Variants in CNTN4 observed in about 807,000 individuals in gnomAD.
CNTN4 encodes the protein contactin-4.
In CNTN4, 77 loss-of-function variants were observed where a neutral mutation model predicts 122.5. That is an observed-to-expected ratio of 0.63 (90% CI 0.52 to 0.76). CNTN4 has a LOEUF of 0.76. Ranked by LOEUF, CNTN4 falls within the 30% of genes least tolerant of loss-of-function variation. The pLI is 0.00. For missense variants in CNTN4, 1,256 were observed against 1,259.1 expected (o/e 1.00, Z 0.04); for synonymous variants, 512 against 447.0 (o/e 1.15, Z -1.83).
intron 2 of CNTN4, among the ~76,000 whole-genome samples, chr3:2,143,147 A>G (rs552739422): frequency 6.6e-6 from 1 of 152,130 alleles, no homozygotes; most frequent in Non-Finnish European, 1.5e-5. Flanking sequence ...TTTGGGGTTC[A>G]TGTTCATTTT....
intron 23 of CNTN4, 31 bp from the exon 24 acceptor site, chr3:3,053,776 C>T (rs367978650): frequency 6.2e-7 from 1 of 1,610,832 alleles, no homozygotes. Flanking sequence ...GTGAAGACGG[C>T]AGGTGACACC....
chr3:3,022,771 T>C (rs1698410786), intron 14 of CNTN4, among the ~76,000 whole-genome samples: 1 of 152,142 alleles, frequency 6.6e-6, no homozygotes, highest in Non-Finnish European at 1.5e-5. Context: ...GGTAAATATA[T>C]AGATTTTTAA....
At chr3:2,899,306 T>C (rs1217496941) in intron 10 of CNTN4, among the ~76,000 whole-genome samples, 3 of 152,216 alleles carry the variant, frequency 2.0e-5, no homozygotes, top group African/African-American at 7.2e-5. Context: ...TGAAACATTG[T>C]TGAGTGAAGA....
At chr3:2,186,631 T>C (rs560797901) in intron 2 of CNTN4, among the ~76,000 whole-genome samples, 159 of 152,312 alleles carry the variant, frequency 1.0e-3, no homozygotes, top group African/African-American at 3.5e-3. Context: ...TTCTAACTGG[T>C]GTGAGATGGT....
chr3:2,287,622 GAA>G (rs1559415039), intron 2 of CNTN4, among the ~76,000 whole-genome samples: 8 of 35,302 alleles, frequency 2.3e-4, no homozygotes, highest in African/African-American at 4.5e-4. Flanking sequence ...AGGAGAAGGA[GAA>G]GGAGAAGGAG....
intron 2 of CNTN4, among the ~76,000 whole-genome samples, chr3:2,155,213 A>C (rs978772467): frequency 1.3e-5 from 2 of 152,178 alleles, no homozygotes; most frequent in African/African-American, 2.4e-5. Flanking sequence ...GTCTCTCTCT[A>C]TTCCAGTGCT....
intron 3 of CNTN4, among the ~76,000 whole-genome samples, chr3:2,519,151 A>C (rs1302764513): frequency 1.3e-5 from 2 of 152,302 alleles, no homozygotes; most frequent in South Asian, 4.1e-4. Flanking sequence ...GACAATGAAA[A>C]GGGAAGATCG....
At chr3:2,370,622 A>C (rs1314608568) in intron 3 of CNTN4, among the ~76,000 whole-genome samples, 1 of 152,196 alleles carries the variant, frequency 6.6e-6, no homozygotes. Flanking sequence ...AGTGGTTTGT[A>C]GTTTATGGAA....
intron 3 of CNTN4, among the ~76,000 whole-genome samples, chr3:2,442,361 A>G (rs2048471830): frequency 6.6e-6 from 1 of 152,228 alleles, no homozygotes. Context: ...TTAAGCAGAT[A>G]TAACTCAAGA....
intron 6 of CNTN4, among the ~76,000 whole-genome samples, chr3:2,814,550 A>T (rs1185112823): frequency 6.6e-6 from 1 of 152,246 alleles, no homozygotes; most frequent in Non-Finnish European, 1.5e-5. Flanking sequence ...CAAAGTACTT[A>T]TACCAACCCA....
intron 6 of CNTN4, among the ~76,000 whole-genome samples, chr3:2,816,047 G>C (rs373252490): frequency 6.6e-6 from 1 of 151,904 alleles, no homozygotes; most frequent in Admixed American, 6.6e-5. Flanking sequence ...CTATGAGGAC[G>C]CAAAGGCATA....
At chr3:2,275,674 C>A (rs2041477590) in intron 2 of CNTN4, among the ~76,000 whole-genome samples, 1 of 151,970 alleles carries the variant, frequency 6.6e-6, no homozygotes, top group African/African-American at 2.4e-5. Context: ...GTAATCCCAG[C>A]ACTTTGGCAG....
At chr3:2,366,060 C>A (rs1251474203) in intron 3 of CNTN4, among the ~76,000 whole-genome samples, 2 of 152,140 alleles carry the variant, frequency 1.3e-5, no homozygotes, top group African/African-American at 2.4e-5. Context: ...CCCAACATGG[C>A]AACTCCATAA....
At chr3:2,422,363 G>A (rs959804996) in intron 3 of CNTN4, among the ~76,000 whole-genome samples, 8 of 152,216 alleles carry the variant, frequency 5.3e-5, no homozygotes, top group Non-Finnish European at 1.0e-4. Flanking sequence ...AAAATGGGAT[G>A]TCTGAATTTG....
intron 4 of CNTN4, among the ~76,000 whole-genome samples, chr3:2,733,621 C>T (rs1286482669): frequency 2.0e-5 from 3 of 148,304 alleles, no homozygotes; most frequent in East Asian, 2.0e-4. Context: ...GGAGACTCCG[C>T]CTCCCAGGTT....
intron 3 of CNTN4, among the ~76,000 whole-genome samples, chr3:2,371,773 T>G (rs775340583): frequency 9.2e-5 from 14 of 152,218 alleles, no homozygotes; most frequent in Non-Finnish European, 1.6e-4. Flanking sequence ...ACCTGTCTGT[T>G]AAAATATTCT....
chr3:2,683,075 A>T (rs983191951), intron 4 of CNTN4, among the ~76,000 whole-genome samples: 1 of 152,120 alleles, frequency 6.6e-6, no homozygotes, highest in Non-Finnish European at 1.5e-5. Context: ...TCTCTATAAG[A>T]CAAAACAATC....
chr3:2,468,823 A>G (rs1475494211), intron 3 of CNTN4, among the ~76,000 whole-genome samples: 1 of 152,136 alleles, frequency 6.6e-6, no homozygotes, highest in Non-Finnish European at 1.5e-5. Flanking sequence ...GAAAGTAAGG[A>G]AAAATGGGGG....
chr3:2,482,438 A>G (rs369038051), intron 3 of CNTN4, among the ~76,000 whole-genome samples: 3 of 152,172 alleles, frequency 2.0e-5, no homozygotes, highest in Non-Finnish European at 4.4e-5. Flanking sequence ...ATAGAAAAAA[A>G]AAAACCATTT....
Sources: gnomAD v4.1 joint callset for allele counts (sites outside exome capture counted in the v4.1 genomes callset) on GRCh38, gnomAD v4.1.1 for gene constraint, MANE v1.5 for transcripts, NCBI Gene and HGNC (gene_info 2026-07-23, HGNC 2026-07-21) for gene names.